Variants in NRXN3 observed in about 807,000 individuals in gnomAD.
NRXN3 encodes the protein neurexin 3.
In NRXN3, 32 loss-of-function variants were observed where a neutral mutation model predicts 137.6. That is an observed-to-expected ratio of 0.23 (90% CI 0.18 to 0.31). The LOEUF (loss-of-function observed/expected upper bound fraction) is 0.31. Ranked by LOEUF, NRXN3 falls within the 10% of genes least tolerant of loss-of-function variation. The pLI, the probability that NRXN3 is intolerant of heterozygous loss-of-function variation, is 1.00. For missense variants in NRXN3, 1,574 were observed against 2,062.5 expected (o/e 0.76, Z 4.59); for synonymous variants, 798 against 784.5 (o/e 1.02, Z -0.29).
intron 4 of NRXN3, among the ~76,000 whole-genome samples, chr14:78,636,978 T>A (rs71414705): frequency 2.0e-5 from 3 of 152,254 alleles, no homozygotes; most frequent in East Asian, 1.9e-4. Context: ...TGTTTTTTTT[T>A]ATTTTTTATT....
intron 1 of NRXN3, among the ~76,000 whole-genome samples, chr14:78,176,106 T>G (rs2059241166): frequency 6.6e-6 from 1 of 152,148 alleles, no homozygotes; most frequent in African/African-American, 2.4e-5. Flanking sequence ...TCTCTAGCAC[T>G]TGTGGCCTGT....
intron 16 of NRXN3, among the ~76,000 whole-genome samples, chr14:79,626,420 T>A (rs938283935): frequency 5.5e-5 from 8 of 146,486 alleles, no homozygotes; most frequent in South Asian, 2.2e-4. Context: ...TTTTTTTTTT[T>A]AAACCACTGA....
intron 20 of NRXN3, among the ~76,000 whole-genome samples, chr14:79,811,481 A>G (rs577008228): frequency 5.3e-5 from 8 of 152,148 alleles, no homozygotes; most frequent in African/African-American, 1.7e-4. Flanking sequence ...ATAAATGAAT[A>G]TAGTATGTTC....
intron 15 of NRXN3, among the ~76,000 whole-genome samples, chr14:79,083,398 A>G (rs1284565230): frequency 6.6e-6 from 1 of 152,238 alleles, no homozygotes; most frequent in African/African-American, 2.4e-5. Flanking sequence ...AGATGAAAAC[A>G]CTGGATTGAA....
intron 19 of NRXN3, among the ~76,000 whole-genome samples, chr14:79,709,542 A>G (rs2098795038): frequency 6.6e-6 from 1 of 152,184 alleles, no homozygotes; most frequent in Non-Finnish European, 1.5e-5. Context: ...GTGACCTCCA[A>G]TGGAAGCAGA....
chr14:79,679,752 G>T (rs184000192), intron 17 of NRXN3, among the ~76,000 whole-genome samples: 86 of 152,298 alleles, frequency 5.6e-4, no homozygotes, highest in Non-Finnish European at 3.7e-4. Context: ...CTGGGTGCCA[G>T]ATAAATATTT....
At chr14:78,998,761 G>A (rs1037844157) in intron 15 of NRXN3, among the ~76,000 whole-genome samples, 1 of 138,060 alleles carries the variant, frequency 7.2e-6, no homozygotes, top group Non-Finnish European at 1.5e-5. Context: ...ACCATGCCCA[G>A]CTTTTTTTTT....
chr14:78,253,845 G>A (rs1288097644), intron 2 of NRXN3, among the ~76,000 whole-genome samples: 1 of 143,266 alleles, frequency 7.0e-6, no homozygotes, highest in East Asian at 2.2e-4. Flanking sequence ...AATAATGGGA[G>A]CTTGGTGCTT....
At chr14:79,780,678 C>T (rs2099110972) in intron 19 of NRXN3, among the ~76,000 whole-genome samples, 1 of 152,118 alleles carries the variant, frequency 6.6e-6, no homozygotes, top group South Asian at 2.1e-4. Flanking sequence ...ATTTAGAATA[C>T]TTAAAAGATG....
chr14:79,136,226 T>G (rs529409488), intron 15 of NRXN3, among the ~76,000 whole-genome samples: 4 of 152,320 alleles, frequency 2.6e-5, no homozygotes, highest in African/African-American at 9.6e-5. Context: ...AGGCGTAATT[T>G]ATTCCACAGT....
rs2099358981 is a variant in NRXN3, at chr14:78,943,624, ATATATATATATATATATATATATATAT to A, written c.2276-13617_2276-13591del. 2.3e-3 allele frequency among the ~76,000 whole-genome samples: 36 copies of A among 15,846 alleles called. 3 individuals carry two copies. The highest frequency in any genetic ancestry group is 0.012 in the East Asian group (12 of 1,014). The allele number at this position is 15,846 out of a possible 152,430, so 10.4% of individuals were successfully genotyped here. On this transcript the variant is annotated intron_variant, in intron 10 of 20. Coordinates refer to ENST00000335750, the MANE Select transcript of NRXN3 (RefSeq NM_001330195.2). ...AAGATCACTGTTAAAAAAAAAAAAT[ATATATATATATATATATATATATATAT>A]ATATATATATATATATATATATATA...
At chr14:78,441,421 G>A (rs539222671) in intron 4 of NRXN3, among the ~76,000 whole-genome samples, 29 of 151,894 alleles carry the variant, frequency 1.9e-4, no homozygotes, top group African/African-American at 2.4e-4. Context: ...CAATTCAAGC[G>A]TCACTCCCTC....
chr14:78,522,433 G>C (rs2096297360), intron 4 of NRXN3, among the ~76,000 whole-genome samples: 1 of 152,146 alleles, frequency 6.6e-6, no homozygotes, highest in East Asian at 1.9e-4. Flanking sequence ...AGATAGGAGA[G>C]TAGACTCATT....
intron 1 of NRXN3, among the ~76,000 whole-genome samples, chr14:78,224,750 CTTTTTT>C (rs35800837): frequency 3.5e-3 from 225 of 64,820 alleles, no homozygotes; most frequent in African/African-American, 0.011. Context: ...GTGCATGTGT[CTTTTTT>C]TTTTTTTTTT....
intron 4 of NRXN3, among the ~76,000 whole-genome samples, chr14:78,337,535 C>G (rs550802719): frequency 1.1e-4 from 16 of 152,244 alleles, no homozygotes; most frequent in African/African-American, 3.9e-4. Context: ...TTAGGGACAG[C>G]CTCCTGCCTC....
intron 17 of NRXN3, among the ~76,000 whole-genome samples, chr14:79,683,477 A>G (rs778676786): frequency 1.3e-5 from 2 of 152,194 alleles, no homozygotes; most frequent in Non-Finnish European, 2.9e-5. Flanking sequence ...TAATGTACAG[A>G]GAACTATGAA....
intron 10 of NRXN3, among the ~76,000 whole-genome samples, chr14:78,949,734 G>A (rs1055800303): frequency 2.6e-5 from 4 of 152,098 alleles, no homozygotes; most frequent in African/African-American, 4.8e-5. Context: ...AGATAGAAAG[G>A]TTATAAAAGT....
chr14:79,050,179 G>A lies in NRXN3; in HGVS notation c.3262+62038G>A, dbSNP rs75353106. On this transcript the variant is annotated intron_variant, in intron 15 of 20. Coordinates refer to ENST00000335750, the MANE Select transcript of NRXN3 (RefSeq NM_001330195.2). ...TCTGCACTTTCGCCTTTCTGTTTCT[G>A]TGTTGTCCTGAGATATCTCATGTAG... is the stretch of plus-strand genomic sequence containing the variant. Among the ~76,000 whole-genome samples, 366 of 152,248 alleles carry A rather than the reference G, an allele frequency of 2.4e-3. 2 individuals are homozygous for A. Among genetic ancestry groups the A allele is most frequent in the African/African-American group, 8.0e-3 (331 of 41,546 alleles).
chr14:78,875,873 C>T (rs80350716), intron 10 of NRXN3, among the ~76,000 whole-genome samples: 9,820 of 152,090 alleles, frequency 0.065, 657 homozygotes, highest in African/African-American at 0.17. Context: ...TGCATGAGAA[C>T]GATAGGATTT....
Sources: allele counts gnomAD v4.1 joint callset (sites outside exome capture counted in the v4.1 genomes callset), GRCh38; gene constraint gnomAD v4.1.1; transcripts MANE v1.5; gene names NCBI Gene and HGNC (gene_info 2026-07-23, HGNC 2026-07-21).